CPS1: variants seen among roughly 807,000 people sequenced by gnomAD.
CPS1 encodes the protein carbamoyl-phosphate synthase 1.
Under a neutral mutation model 174.6 loss-of-function variants are expected in CPS1, and 109 were observed. The ratio of observed to expected loss-of-function variants is 0.62; its 90% confidence interval spans 0.53 to 0.73. The LOEUF is 0.73. Ranked by LOEUF, CPS1 falls within the 30% of genes least tolerant of loss-of-function variation. CPS1 has a pLI of 0.00. For missense variants in CPS1, 1,689 were observed against 1,821.9 expected (o/e 0.93, Z 1.33); for synonymous variants, 637 against 632.0 (o/e 1.01, Z -0.12).
At chr2:210,536,242 T>C (rs1696246541) in intron 1 of CPS1, among the ~76,000 whole-genome samples, 1 of 152,152 alleles carries the variant, frequency 6.6e-6, no homozygotes, top group Non-Finnish European at 1.5e-5. Context: ...AAATCAGTTC[T>C]CTAGTTACTA....
At chr2:210,635,553 A>C (rs770538311) in intron 21 of CPS1, among the ~76,000 whole-genome samples, 4 of 152,128 alleles carry the variant, frequency 2.6e-5, no homozygotes, top group Admixed American at 1.3e-4. Flanking sequence ...TGTAGCTCTA[A>C]ATTTTTGGTC....
At chr2:210,526,730 C>T (rs1310513880) in intron 1 of CPS1, among the ~76,000 whole-genome samples, 2 of 151,912 alleles carry the variant, frequency 1.3e-5, no homozygotes, top group Non-Finnish European at 2.9e-5. Context: ...CAGTAGGAAA[C>T]TGAAGAGAGA....
intron 21 of CPS1, among the ~76,000 whole-genome samples, chr2:210,623,196 G>C (rs1018092238): frequency 6.6e-6 from 1 of 152,030 alleles, no homozygotes; most frequent in East Asian, 1.9e-4. Flanking sequence ...GTACAATGCC[G>C]CTATTTATGT....
At chr2:210,666,365 C>T (rs1318300709) in intron 33 of CPS1, among the ~76,000 whole-genome samples, 20 of 150,578 alleles carry the variant, frequency 1.3e-4, no homozygotes, top group Non-Finnish European at 2.5e-4. Context: ...CTTTTGTTGC[C>T]ATTGCTTTTG....
At position 210,605,082 on chromosome 2, in the gene CPS1, C is replaced by G; in HGVS notation, c.1837-20C>G. 6.2e-7 allele frequency: 1 copy of G among 1,611,154 alleles called. No individual in the cohort carries two copies. The stretch of plus-strand genomic sequence containing the variant: ...AGTGCTTTTTCTTACTCTTTGATAT[C>G]TTTTGTCACCAATTTCTAGGCCTTT... On this transcript the variant is annotated intron_variant, in intron 16 of 37. Transcript: ENST00000233072.
At chr2:210,484,733 T>C (rs1694669766) in intron 1 of CPS1, among the ~76,000 whole-genome samples, 1 of 152,200 alleles carries the variant, frequency 6.6e-6, no homozygotes, top group Non-Finnish European at 1.5e-5. Flanking sequence ...TGTATTCTCA[T>C]ATATGATTGC....
intron 32 of CPS1, among the ~76,000 whole-genome samples, chr2:210,661,326 G>T (rs1160139485): frequency 6.6e-6 from 1 of 152,112 alleles, no homozygotes; most frequent in Non-Finnish European, 1.5e-5. Context: ...TAACTACTTG[G>T]CTGGACAGGC....
intron 19 of CPS1, among the ~76,000 whole-genome samples, chr2:210,610,100 A>T (rs1178935667): frequency 1.3e-5 from 2 of 152,008 alleles, no homozygotes; most frequent in Non-Finnish European, 2.9e-5. Context: ...TTTTTAGTGT[A>T]CAAAAGAAAT....
chr2:210,677,622 A>T (rs1302098410), intron 37 of CPS1, among the ~76,000 whole-genome samples: 1 of 152,316 alleles, frequency 6.6e-6, no homozygotes. Context: ...TCTGCCTATC[A>T]TATTTATTTT....
chr2:210,620,574 C>A (rs1473355629), intron 21 of CPS1, among the ~76,000 whole-genome samples: 1 of 151,948 alleles, frequency 6.6e-6, no homozygotes, highest in Non-Finnish European at 1.5e-5. Flanking sequence ...TGCTTGGCTT[C>A]TAGGGAGGCC....
intron 1 of CPS1, among the ~76,000 whole-genome samples, chr2:210,532,907 C>T: frequency 6.6e-6 from 1 of 152,092 alleles, no homozygotes; most frequent in South Asian, 2.1e-4. Flanking sequence ...TTATGATTGA[C>T]CGGGTCTCCT....
chr2:210,641,485 C>T (rs554851301), intron 24 of CPS1, among the ~76,000 whole-genome samples: 46 of 152,086 alleles, frequency 3.0e-4, no homozygotes, highest in African/African-American at 1.1e-3. Context: ...AACTAAAACC[C>T]TCCTAAAAGG....
chr2:210,603,837 G>C (rs1698810365), intron 16 of CPS1, among the ~76,000 whole-genome samples: 1 of 151,594 alleles, frequency 6.6e-6, no homozygotes, highest in Non-Finnish European at 1.5e-5. Context: ...ATTCTCTTGA[G>C]GTTATAATTA....
At chr2:210,485,476 G>C (rs1292303270) in intron 1 of CPS1, among the ~76,000 whole-genome samples, 17 of 151,994 alleles carry the variant, frequency 1.1e-4, no homozygotes. Context: ...TCACTGATCT[G>C]CTGTCTGAAA....
At chr2:210,590,373 T>A in intron 8 of CPS1, 139 bp downstream of exon 8, 1 of 1,289,652 alleles carries the variant, frequency 7.8e-7, no homozygotes, top group Non-Finnish European at 1.1e-6. Context: ...GCAGTGTCAG[T>A]AGAGATATTC....
chr2:210,509,460 A>T (rs1695390205), intron 1 of CPS1, among the ~76,000 whole-genome samples: 1 of 152,216 alleles, frequency 6.6e-6, no homozygotes, highest in Non-Finnish European at 1.5e-5. Flanking sequence ...ATTCCCTTTG[A>T]AAACTGGCAC....
intron 1 of CPS1, among the ~76,000 whole-genome samples, chr2:210,530,446 G>A (rs1489896223): frequency 6.6e-6 from 1 of 151,984 alleles, no homozygotes; most frequent in Non-Finnish European, 1.5e-5. Context: ...AAACTACTGA[G>A]CATTGTGTAG....
At chr2:210,601,884 A>G (rs553575646) in intron 15 of CPS1, among the ~76,000 whole-genome samples, 1 of 152,056 alleles carries the variant, frequency 6.6e-6, no homozygotes, top group African/African-American at 2.4e-5. Flanking sequence ...CCAATAATTC[A>G]ATATGGCTGC....
chr2:210,501,894 G>A (rs1011685800), intron 1 of CPS1, among the ~76,000 whole-genome samples: 1 of 152,052 alleles, frequency 6.6e-6, no homozygotes, highest in Non-Finnish European at 1.5e-5. Flanking sequence ...GTATTAGTCT[G>A]TTTTCAGGCT....
Sources: gnomAD v4.1 joint callset for allele counts (sites outside exome capture counted in the v4.1 genomes callset) on GRCh38, gnomAD v4.1.1 for gene constraint, MANE v1.5 for transcripts, NCBI Gene and HGNC (gene_info 2026-07-23, HGNC 2026-07-21) for gene names.